BAIAP2L1: variants seen among roughly 807,000 people sequenced by gnomAD.
The protein encoded by BAIAP2L1 is BAR/IMD domain containing adaptor protein 2 like 1.
In BAIAP2L1, 35 loss-of-function variants were observed where a neutral mutation model predicts 66.3. The observed-to-expected ratio is 0.53, with a 90% confidence interval of 0.40 to 0.70. BAIAP2L1 has a LOEUF of 0.70. BAIAP2L1 is among the 30% of genes least tolerant of loss of function. The pLI is 0.00. For synonymous variants in BAIAP2L1, 269 were observed against 248.7 expected (o/e 1.08, Z -0.77); for missense variants, 622 against 656.9 (o/e 0.95, Z 0.58).
intron 1 of BAIAP2L1, among the ~76,000 whole-genome samples, chr7:98,381,249 G>T (rs146407513): frequency 6.6e-6 from 1 of 152,208 alleles, no homozygotes; most frequent in East Asian, 1.9e-4. Flanking sequence ...CTTCTAAAAG[G>T]CGGGGTTTCC....
intron 2 of BAIAP2L1, chr7:98,355,354 G>T: frequency 3.7e-6 from 2 of 542,702 alleles, no homozygotes; most frequent in Non-Finnish European, 3.3e-6. Flanking sequence ...CCAGCCCCGG[G>T]GAACCTTCAG....
chr7:98,293,447 C>G lies in BAIAP2L1; in HGVS notation c.*74G>C, dbSNP rs1170273307. ...CACTGAAGCTTCCCGACCGTCAGCACGTGGCAGACAGGATGCGCCCATCAT... is the reference window on the plus strand; with the variant it reads ...CACTGAAGCTTCCCGACCGTCAGCAGGTGGCAGACAGGATGCGCCCATCAT... On this transcript the variant is annotated 3_prime_UTR_variant, in exon 14 of 14. Transcript: ENST00000005260. 1.1e-5 allele frequency: 15 copies of G among 1,383,774 alleles called. No individual in the cohort carries two copies. The highest frequency in any genetic ancestry group is 1.4e-5 in the Non-Finnish European group (14 of 975,790). 85.7% of individuals were successfully genotyped at this position (1,383,774 alleles called of 1,614,324 possible). A position where few individuals can be genotyped will look rare whatever the true frequency, so the allele number is the denominator to read the frequency against.
intron 3 of BAIAP2L1, among the ~76,000 whole-genome samples, chr7:98,353,654 T>A (rs1438010916): frequency 7.2e-6 from 1 of 139,300 alleles, no homozygotes; most frequent in African/African-American, 2.7e-5. Flanking sequence ...TTATATATAT[T>A]TTTATATATA....
rs1330990907 is a variant in BAIAP2L1, at chr7:98,299,161, G to A, written c.1422+5035C>T. 5.3e-5 allele frequency among the ~76,000 whole-genome samples: 8 copies of A among 152,124 alleles called. No individual in the cohort carries two copies. In the East Asian group the frequency reaches 5.8e-4, roughly 11 times the overall value. On this transcript the variant is annotated intron_variant, in intron 12 of 13. Coordinates refer to ENST00000005260, the MANE Select transcript of BAIAP2L1 (RefSeq NM_018842.5). ...CTCCCGAGTAGCTGGGATTACAGGC[G>A]CCTGCCACCATGCCCAGCTAATTTT...
intron 1 of BAIAP2L1, among the ~76,000 whole-genome samples, chr7:98,366,412 CG>C (rs1802391037): frequency 6.6e-6 from 1 of 152,088 alleles, no homozygotes; most frequent in Admixed American, 6.5e-5. Flanking sequence ...CCACCTTCTG[CG>C]GCCCAGTCCT....
chr7:98,294,055 C>T lies in BAIAP2L1; in HGVS notation c.1460+19G>A, dbSNP rs1253107904. ...GAGCAATGTCACACACTGAGGCTCACGTAGGAAGCCACGCCTACCTGAGAA... is the reference window on the plus strand; with the variant it reads ...GAGCAATGTCACACACTGAGGCTCATGTAGGAAGCCACGCCTACCTGAGAA... On this transcript the variant is annotated intron_variant, in intron 13 of 13. Transcript: ENST00000005260. The T allele has an allele frequency of 6.2e-6, 10 of 1,613,070 alleles. No individual in the cohort carries two copies. The East Asian group carries it at 1.1e-4, about 18-fold the overall frequency.
chr7:98,306,756 G>C, intron 10 of BAIAP2L1: 1 of 523,170 alleles, frequency 1.9e-6, no homozygotes, highest in South Asian at 2.0e-5. Flanking sequence ...TGCCCAGGCT[G>C]GAGTGCAGTG....
At chr7:98,397,429 A>C (rs1432594024) in intron 1 of BAIAP2L1, among the ~76,000 whole-genome samples, 7 of 143,472 alleles carry the variant, frequency 4.9e-5, no homozygotes, top group African/African-American at 1.8e-4. Flanking sequence ...GGTTCAAGCG[A>C]TTATCCTGCC....
chr7:98,343,224 C>A (rs978680758), intron 3 of BAIAP2L1, among the ~76,000 whole-genome samples: 112 of 148,178 alleles, frequency 7.6e-4, no homozygotes, highest in Non-Finnish European at 6.5e-4. Flanking sequence ...ATGGTGAAAC[C>A]CTGTCTCTAC....
At chr7:98,372,477 T>C (rs1802532662) in intron 1 of BAIAP2L1, among the ~76,000 whole-genome samples, 1 of 152,142 alleles carries the variant, frequency 6.6e-6, no homozygotes, top group African/African-American at 2.4e-5. Context: ...GTGCTTTGTT[T>C]TTCTCAGCTA....
At chr7:98,385,043 C>T (rs1802855189) in intron 1 of BAIAP2L1, among the ~76,000 whole-genome samples, 1 of 152,108 alleles carries the variant, frequency 6.6e-6, no homozygotes, top group Admixed American at 6.6e-5. Flanking sequence ...TGCAGTGGTT[C>T]ATGCCTATAA....
intron 3 of BAIAP2L1, among the ~76,000 whole-genome samples, chr7:98,349,127 G>A (rs1165697733): frequency 6.6e-6 from 1 of 152,226 alleles, no homozygotes; most frequent in Non-Finnish European, 1.5e-5. Flanking sequence ...GTGACCCAAT[G>A]TGGTTGCCCA....
chr7:98,379,466 G>A (rs529448056), intron 1 of BAIAP2L1, among the ~76,000 whole-genome samples: 15 of 152,256 alleles, frequency 9.9e-5, no homozygotes, highest in East Asian at 5.8e-4. Flanking sequence ...AGCTCAAGGC[G>A]ATAACTCCAA....
At chr7:98,331,642 A>G (rs1358608904) in intron 3 of BAIAP2L1, among the ~76,000 whole-genome samples, 2 of 151,668 alleles carry the variant, frequency 1.3e-5, no homozygotes, top group Non-Finnish European at 2.9e-5. Context: ...CTAATTTCGT[A>G]TTTTTAGTAG....
chr7:98,392,301 C>T (rs547964538), intron 1 of BAIAP2L1, among the ~76,000 whole-genome samples: 49 of 151,856 alleles, frequency 3.2e-4, no homozygotes, highest in African/African-American at 1.1e-3. Flanking sequence ...GCTGAGATCG[C>T]GCCATTTCAC....
intron 11 of BAIAP2L1, 152 bp from the exon 12 acceptor site, chr7:98,304,528 T>A: frequency 1.3e-6 from 1 of 782,824 alleles, no homozygotes; most frequent in Non-Finnish European, 2.0e-6. Flanking sequence ...ACACAGTACA[T>A]ATATCAATAC....
chr7:98,377,385 A>T (rs1055289112), intron 1 of BAIAP2L1, among the ~76,000 whole-genome samples: 9 of 152,164 alleles, frequency 5.9e-5, no homozygotes, highest in Admixed American at 3.9e-4. Flanking sequence ...GATACTCCCA[A>T]ATTTGAAGAC....
chr7:98,299,660 G>A (rs1359703278), intron 12 of BAIAP2L1, among the ~76,000 whole-genome samples: 4 of 152,220 alleles, frequency 2.6e-5, no homozygotes, highest in Non-Finnish European at 5.9e-5. Flanking sequence ...CCCAGCTAGA[G>A]CAAGTTTTTA....
intron 7 of BAIAP2L1, among the ~76,000 whole-genome samples, chr7:98,315,018 T>C (rs540949095): frequency 6.6e-6 from 1 of 152,392 alleles, no homozygotes; most frequent in African/African-American, 2.4e-5. Context: ...TATGTTCAAG[T>C]TGGCCAAACA....
Sources: allele counts gnomAD v4.1 joint callset (sites outside exome capture counted in the v4.1 genomes callset), GRCh38; gene constraint gnomAD v4.1.1; transcripts MANE v1.5; gene names NCBI Gene and HGNC (gene_info 2026-07-23, HGNC 2026-07-21).